The following KIAA0825 variants were observed in gnomAD, a reference collection of about 807,000 sequenced individuals.
The protein encoded by KIAA0825 is uncharacterized protein KIAA0825.
KIAA0825 carries 119 observed loss-of-function variants against 147.6 expected under a neutral mutation model. That is an observed-to-expected ratio of 0.81 (90% confidence interval 0.69 to 0.94). The LOEUF is 0.94. Ranked by LOEUF, KIAA0825 falls within the 40% of genes least tolerant of loss-of-function variation. The pLI, the probability that KIAA0825 is intolerant of heterozygous loss-of-function variation, is 0.00. For missense variants in KIAA0825, 1,381 were observed against 1,472.7 expected (o/e 0.94, Z 1.02); for synonymous variants, 470 against 518.1 (o/e 0.91, Z 1.26).
chr5:94,370,244 C>T lies in KIAA0825; in HGVS notation c.3710+14124G>A, dbSNP rs773320372. 8.6e-5 allele frequency among the ~76,000 whole-genome samples: 13 copies of T among 151,954 alleles called. 1 individual carries two copies. Among genetic ancestry groups the T allele is most frequent in the African/African-American group, 1.9e-4 (8 of 41,444 alleles). Reference sequence around the variant, plus strand: ...AGGACAAAATTATAGGGATAGAGAACGGGTCAGTGGTTGCCACAGGTTGGC... The same window carrying T: ...AGGACAAAATTATAGGGATAGAGAATGGGTCAGTGGTTGCCACAGGTTGGC... On this transcript the variant is annotated intron_variant, in intron 20 of 20. Coordinates refer to ENST00000682413, the MANE Select transcript of KIAA0825 (RefSeq NM_001145678.3).
At chr5:94,315,637 G>T (rs1779588009) in intron 20 of KIAA0825, among the ~76,000 whole-genome samples, 3 of 151,636 alleles carry the variant, frequency 2.0e-5, no homozygotes, top group African/African-American at 7.3e-5. Context: ...TTCATTATGT[G>T]ACATAAATTG....
chr5:94,194,327 T>C (rs921738774), intron 20 of KIAA0825, among the ~76,000 whole-genome samples: 1 of 152,132 alleles, frequency 6.6e-6, no homozygotes, highest in Non-Finnish European at 1.5e-5. Context: ...CCTTCCATTC[T>C]ATGACAGTGG....
At chr5:94,512,502 C>T (rs140931259) in intron 5 of KIAA0825, among the ~76,000 whole-genome samples, 1 of 151,642 alleles carries the variant, frequency 6.6e-6, no homozygotes, top group African/African-American at 2.4e-5. Flanking sequence ...TGCCTCATGC[C>T]TGTAATCTTA....
chr5:94,156,877 C>T (rs1177431555), intron 20 of KIAA0825, among the ~76,000 whole-genome samples: 1 of 151,990 alleles, frequency 6.6e-6, no homozygotes, highest in East Asian at 1.9e-4. Flanking sequence ...GTGTATTTAT[C>T]ACAAACATTG....
At chr5:94,527,486 T>C (rs1007047127) in intron 3 of KIAA0825, among the ~76,000 whole-genome samples, 2 of 152,024 alleles carry the variant, frequency 1.3e-5, no homozygotes, top group African/African-American at 4.8e-5. Flanking sequence ...ATATGTGCTT[T>C]CATGGAATGT....
chr5:94,428,718 CCA>C (rs748153614), intron 14 of KIAA0825, among the ~76,000 whole-genome samples: 46 of 152,026 alleles, frequency 3.0e-4, no homozygotes, highest in Non-Finnish European at 6.3e-4. Context: ...AGTCTGGTGA[CCA>C]TATTACTTAG....
At chr5:94,512,224 A>T (rs1195537102) in intron 5 of KIAA0825, among the ~76,000 whole-genome samples, 4 of 152,062 alleles carry the variant, frequency 2.6e-5, no homozygotes, top group Non-Finnish European at 5.9e-5. Flanking sequence ...GCTAATGTTT[A>T]TTTGTTTATT....
At chr5:94,168,896 C>A (rs1453296328) in intron 20 of KIAA0825, among the ~76,000 whole-genome samples, 1 of 152,068 alleles carries the variant, frequency 6.6e-6, no homozygotes, top group African/African-American at 2.4e-5. Context: ...GTGTTTATTC[C>A]ATATATTTAA....
At chr5:94,335,655 AAAT>A (rs1169517782) in intron 20 of KIAA0825, among the ~76,000 whole-genome samples, 12 of 152,118 alleles carry the variant, frequency 7.9e-5, no homozygotes, top group Non-Finnish European at 1.5e-4. Context: ...GTTAAAACCT[AAAT>A]AATAATATGA....
chr5:94,618,175 G>C (rs1177257978), intron 1 of KIAA0825: 3 of 152,278 alleles, frequency 2.0e-5, no homozygotes, highest in African/African-American at 7.2e-5. Context: ...GCCAATGGGA[G>C]ATAGGAAACT....
intron 13 of KIAA0825, among the ~76,000 whole-genome samples, chr5:94,450,078 T>C (rs992601044): frequency 6.6e-6 from 1 of 151,638 alleles, no homozygotes; most frequent in African/African-American, 2.4e-5. Flanking sequence ...AAACTCCATC[T>C]CAAAAAAAGA....
chr5:94,227,080 A>G (rs973169443), intron 20 of KIAA0825, among the ~76,000 whole-genome samples: 1 of 152,198 alleles, frequency 6.6e-6, no homozygotes, highest in African/African-American at 2.4e-5. Flanking sequence ...TCATGCTGCT[A>G]TAAAGACACA....
chr5:94,195,986 T>G (rs529803240), intron 20 of KIAA0825, among the ~76,000 whole-genome samples: 18 of 152,264 alleles, frequency 1.2e-4, no homozygotes, highest in African/African-American at 4.1e-4. Context: ...GGCCAGCACC[T>G]GCATCTCTGC....
At chr5:94,172,297 G>A (rs955479981) in intron 20 of KIAA0825, among the ~76,000 whole-genome samples, 4 of 152,152 alleles carry the variant, frequency 2.6e-5, no homozygotes, top group Non-Finnish European at 5.9e-5. Flanking sequence ...TGCTATAATA[G>A]ACTGATGGCC....
At chr5:94,423,696 T>C (rs1754489433) in intron 14 of KIAA0825, among the ~76,000 whole-genome samples, 1 of 152,096 alleles carries the variant, frequency 6.6e-6, no homozygotes, top group Non-Finnish European at 1.5e-5. Context: ...CAGGCACTAA[T>C]GAGCATCCCT....
At chr5:94,579,695 T>C (rs896010017) in intron 2 of KIAA0825, among the ~76,000 whole-genome samples, 1 of 152,246 alleles carries the variant, frequency 6.6e-6, no homozygotes, top group African/African-American at 2.4e-5. Context: ...AAAACTTTTC[T>C]ATATTGCAGG....
rs192134245 is a variant in KIAA0825 at position 94,184,803 on chromosome 5, T to C, written c.3711-30679A>G. ...TCAGTCTTTGGTATCTATTTAAATTTATCATTTCATCTTAAGTTTGTACCT... is the reference window on the plus strand; with the variant it reads ...TCAGTCTTTGGTATCTATTTAAATTCATCATTTCATCTTAAGTTTGTACCT... On this transcript the variant is annotated intron_variant, in intron 20 of 20. Coordinates refer to ENST00000682413, the MANE Select transcript of KIAA0825 (RefSeq NM_001145678.3). 6.3e-4 allele frequency among the ~76,000 whole-genome samples: 96 copies of C among 152,302 alleles called. 1 individual carries two copies. The highest frequency in any genetic ancestry group is 2.3e-3 in the African/African-American group (94 of 41,556).
chr5:94,255,671 GA>G, intron 20 of KIAA0825, among the ~76,000 whole-genome samples: 1 of 136,312 alleles, frequency 7.3e-6, no homozygotes, highest in Non-Finnish European at 1.6e-5. Flanking sequence ...TTGTTTAGGA[GA>G]AAATTGATTT....
intron 20 of KIAA0825, among the ~76,000 whole-genome samples, chr5:94,158,965 C>T (rs1767295659): frequency 6.6e-6 from 1 of 152,134 alleles, no homozygotes. Context: ...TAGGAGAAGT[C>T]CTGGGTGTGG....
Sources: allele counts gnomAD v4.1 joint callset (sites outside exome capture counted in the v4.1 genomes callset), GRCh38; gene constraint gnomAD v4.1.1; transcripts MANE v1.5; gene names NCBI Gene and HGNC (gene_info 2026-07-23, HGNC 2026-07-21).